Variants in NDE1 observed in about 807,000 individuals in gnomAD.
NDE1 encodes the protein nudE neurodevelopment protein 1, also known as nuclear distribution protein nudE homolog 1.
NDE1 carries 28 observed loss-of-function variants against 43.4 expected under a neutral mutation model. That is an observed-to-expected ratio of 0.65 (90% confidence interval 0.48 to 0.89). NDE1 has a LOEUF of 0.89. NDE1 is among the 40% of genes least tolerant of loss of function. NDE1 has a pLI of 0.00. For missense variants in NDE1, 441 were observed against 434.1 expected, an observed-to-expected ratio of 1.02 and a Z score of -0.14; for synonymous variants, 184 against 172.0, an observed-to-expected ratio of 1.07 and a Z score of -0.55.
At chr16:15,697,755 T>TG (rs1018433558) in intron 8 of NDE1, among the ~76,000 whole-genome samples, 3 of 152,080 alleles carry the variant, frequency 2.0e-5, no homozygotes, top group Non-Finnish European at 4.4e-5. Flanking sequence ...AGCCCTTATT[T>TG]GGGGAATTGA....
At chr16:15,693,685 A>G (rs1306854343) in intron 6 of NDE1, among the ~76,000 whole-genome samples, 1 of 152,154 alleles carries the variant, frequency 6.6e-6, no homozygotes, top group Non-Finnish European at 1.5e-5. Context: ...CACGCCCGTA[A>G]TCCCAGCACT....
At position 15,725,279 on chromosome 16, in the gene NDE1, T is replaced by C; in HGVS notation, c.*1028T>C. 1.7e-6 allele frequency: 1 copy of C among 583,162 alleles called. No homozygotes were observed. The allele number at this position is 583,162 out of a possible 1,614,324, so 36.1% of individuals were successfully genotyped here. On this transcript the variant is annotated 3_prime_UTR_variant, in exon 9 of 9. Transcript: ENST00000396354. ...AGCCCCAATGGTATTGACTGGGACC[T>C]GATCCCACTAAATGGATCCTAGATC...
chr16:15,719,768 G>A, intron 8 of NDE1: 1 of 1,611,966 alleles, frequency 6.2e-7, no homozygotes, highest in Non-Finnish European at 8.5e-7. Context: ...CCCAAGTTCT[G>A]CTGCCCAGTT....
At chr16:15,708,057 C>T (rs2039560279) in intron 8 of NDE1, among the ~76,000 whole-genome samples, 1 of 151,828 alleles carries the variant, frequency 6.6e-6, no homozygotes. Context: ...TCTTGGGTAT[C>T]CACTCCCCAG....
Position 15,650,280 on chromosome 16 carries a change from G to T in NDE1, c.-58G>T, listed in dbSNP as rs1016826659. On this transcript the variant is annotated 5_prime_UTR_variant, in exon 1 of 9. Coordinates refer to ENST00000396354, the MANE Select transcript of NDE1 (RefSeq NM_017668.3). Reference sequence around the variant, plus strand: ...CTGCCGCCGCCGCCGCGTTGGCCTCGCCGCCCCTGCTCGGGTAAGTGAGGC... The same window carrying T: ...CTGCCGCCGCCGCCGCGTTGGCCTCTCCGCCCCTGCTCGGGTAAGTGAGGC... The T allele has an allele frequency of 8.3e-5, 26 of 313,790 alleles. No individual in the cohort carries two copies. The highest frequency in any genetic ancestry group is 5.9e-4 in the African/African-American group (26 of 44,294). The allele number at this position is 313,790 out of a possible 1,614,324, so 19.4% of individuals were successfully genotyped here.
intron 8 of NDE1, chr16:15,718,580 C>A (rs2040297061): frequency 1.6e-5 from 20 of 1,272,116 alleles, no homozygotes; most frequent in Non-Finnish European, 2.1e-5. Context: ...GAAGACTCAT[C>A]TGTAGTTACA....
At chr16:15,701,466 A>T (rs2039218870) in intron 8 of NDE1, 1 of 152,196 alleles carries the variant, frequency 6.6e-6, no homozygotes, top group Admixed American at 6.5e-5. Flanking sequence ...TTGGGGCAAG[A>T]TGGCCTTGGT....
At chr16:15,694,017 T>G in intron 6 of NDE1, 148 bp from the exon 7 acceptor site, 2 of 927,192 alleles carry the variant, frequency 2.2e-6, no homozygotes, top group Non-Finnish European at 3.3e-6. Flanking sequence ...TGTGATGCGG[T>G]TAACTACGGA....
At chr16:15,708,211 C>T (rs1567673781) in intron 8 of NDE1, among the ~76,000 whole-genome samples, 1 of 152,156 alleles carries the variant, frequency 6.6e-6, no homozygotes. Context: ...CAGCCCCCGG[C>T]ATTTGTCAGA....
At chr16:15,694,036 G>A (rs1009187714) in intron 6 of NDE1, 129 bp from the exon 7 acceptor site, 10 of 1,098,568 alleles carry the variant, frequency 9.1e-6, no homozygotes, top group South Asian at 4.2e-5. Flanking sequence ...GAAAGAAATA[G>A]GGTAGCTTTT....
rs148743922 is a variant in NDE1, at chr16:15,715,181, C to G, written c.948-9010C>G. On this transcript the variant is annotated intron_variant, in intron 8 of 8. Transcript: ENST00000396354. ...GGGGCTACCTGCTCCTTGTACTGCT[C>G]GGCCATCTTGCGCTCGTCCTCCACC... 2 of 1,613,808 alleles carry G rather than the reference C, an allele frequency of 1.2e-6. No homozygotes were observed. The highest frequency in any genetic ancestry group is 1.3e-5 in the African/African-American group (1 of 75,042).
chr16:15,695,891 T>G (rs60982882), intron 7 of NDE1: 13,029 of 172,682 alleles, frequency 0.075, 628 homozygotes, highest in East Asian at 0.27. Flanking sequence ...CTTACCAAAC[T>G]TCTTGCCATT....
In NDE1 at chr16:15,705,984, C is replaced by CAAAAAAAAAAAAAAAA. The variant is rs57451847; in HGVS notation, c.947+9130_947+9145dup. On this transcript the variant is annotated intron_variant, in intron 8 of 8. Transcript: ENST00000396354. ...TAGGCGACAGGGTGAGACTCCGTCT[C>CAAAAAAAAAAAAAAAA]AAAAAAAAAAAAAAAAAAAAATCAA... Among the ~76,000 whole-genome samples the CAAAAAAAAAAAAAAAA allele has an allele frequency of 8.4e-3, 477 of 56,744 alleles. 106 individuals carry two copies. The highest frequency in any genetic ancestry group is 0.048 in the African/African-American group (431 of 8,894). The allele number at this position is 56,744 out of a possible 152,430, so 37.2% of individuals were successfully genotyped here.
At chr16:15,668,485 G>T (rs540325148) in intron 3 of NDE1, among the ~76,000 whole-genome samples, 51 of 152,054 alleles carry the variant, frequency 3.4e-4, no homozygotes, top group African/African-American at 1.2e-3. Context: ...GGCTGGTCTT[G>T]AACTCCTGGA....
intron 1 of NDE1, among the ~76,000 whole-genome samples, chr16:15,658,097 C>T (rs972093076): frequency 6.6e-6 from 1 of 152,180 alleles, no homozygotes; most frequent in African/African-American, 2.4e-5. Context: ...CATCCCTTGG[C>T]CCAGCTTTCC....
intron 4 of NDE1, among the ~76,000 whole-genome samples, chr16:15,683,938 G>A (rs1040133074): frequency 6.6e-6 from 1 of 151,692 alleles, no homozygotes; most frequent in Non-Finnish European, 1.5e-5. Context: ...GAGGTAAGAA[G>A]GTGAAAGAAT....
At chr16:15,663,045 G>C (rs186483867) in intron 1 of NDE1, among the ~76,000 whole-genome samples, 1 of 152,142 alleles carries the variant, frequency 6.6e-6, no homozygotes, top group East Asian at 1.9e-4. Flanking sequence ...TTGCCACTAA[G>C]TTTCTTAACA....
At chr16:15,709,107 A>G (rs1248689602) in intron 8 of NDE1, among the ~76,000 whole-genome samples, 3 of 143,840 alleles carry the variant, frequency 2.1e-5, no homozygotes, top group Non-Finnish European at 4.6e-5. Flanking sequence ...GTGCTTGGCT[A>G]ATTTTTGTAT....
At chr16:15,665,075 G>A (rs1003484337) in intron 2 of NDE1, among the ~76,000 whole-genome samples, 26 of 150,560 alleles carry the variant, frequency 1.7e-4, no homozygotes, top group African/African-American at 5.6e-4. Flanking sequence ...TTTTTTTGGC[G>A]GAAACAGGGG....
Sources: gnomAD v4.1 joint callset for allele counts (sites outside exome capture counted in the v4.1 genomes callset) on GRCh38, gnomAD v4.1.1 for gene constraint, MANE v1.5 for transcripts, NCBI Gene and HGNC (gene_info 2026-07-23, HGNC 2026-07-21) for gene names.